Variants in RALYL observed in about 807,000 individuals in gnomAD.
RALYL encodes RNA-binding Raly-like protein.
A neutral mutation model predicts 35.1 loss-of-function variants in RALYL; 29 were observed. The ratio of observed to expected loss-of-function variants is 0.83; its 90% CI spans 0.61 to 1.13. The LOEUF (loss-of-function observed/expected upper bound fraction) is 1.13. Among genes scored for constraint, RALYL ranks in the 50% most tolerant of loss-of-function variants. The pLI is 0.00. For synonymous variants in RALYL, 120 were observed against 127.6 expected (o/e 0.94, Z 0.40); for missense variants, 359 against 360.4 (o/e 1.00, Z 0.03).
intron 4 of RALYL, among the ~76,000 whole-genome samples, chr8:84,813,244 G>T (rs1223544742): frequency 1.3e-5 from 2 of 152,182 alleles, no homozygotes; most frequent in East Asian, 1.9e-4. Context: ...CACTTCTGCA[G>T]TTGGGGCACT....
chr8:84,607,024 G>A (rs1817298609), intron 2 of RALYL, among the ~76,000 whole-genome samples: 1 of 151,916 alleles, frequency 6.6e-6, no homozygotes, highest in Admixed American at 6.6e-5. Context: ...GTTTAAAGAT[G>A]ATAAATCTAA....
intron 1 of RALYL, among the ~76,000 whole-genome samples, chr8:84,494,337 T>A (rs546321564): frequency 2.6e-4 from 39 of 152,332 alleles, no homozygotes; most frequent in African/African-American, 8.7e-4. Context: ...TCTGGTAACA[T>A]GATGCCTCCA....
rs1554771621 is a variant in RALYL at position 84,669,493 on chromosome 8, C to CGCT, written c.257-105086_257-105085insGCT. On this transcript the variant is annotated intron_variant, in intron 2 of 8. Coordinates refer to ENST00000521268, the MANE Select transcript of RALYL (RefSeq NM_173848.7). ...ACATCTTCTCCCTCCCCCCTCCCCC[C>CGCT]CCCCCCACTCTATTAGTTCACAGTG... Among the ~76,000 whole-genome samples the CGCT allele has an allele frequency of 4.4e-4, 27 of 61,950 alleles. 1 individual carries two copies. The highest frequency in any genetic ancestry group is 8.3e-4 in the Non-Finnish European group (25 of 30,198). The allele number at this position is 61,950 out of a possible 152,430, so 40.6% of individuals were successfully genotyped here. A position where few individuals can be genotyped will look rare whatever the true frequency, so the allele number is the denominator to read the frequency against.
chr8:84,806,938 C>CGGTGGCCGG, intron 4 of RALYL, among the ~76,000 whole-genome samples: 1 of 152,142 alleles, frequency 6.6e-6, no homozygotes, highest in African/African-American at 2.4e-5. Context: ...TTGAGCCCAG[C>CGGTGGCCGG]AGGTCCGGGC....
At chr8:84,808,432 T>C (rs768440413) in intron 4 of RALYL, among the ~76,000 whole-genome samples, 1 of 152,202 alleles carries the variant, frequency 6.6e-6, no homozygotes, top group East Asian at 1.9e-4. Flanking sequence ...TGAAATCAGG[T>C]AGTGTGATGC....
chr8:84,425,783 C>CTATG (rs372367035), intron 1 of RALYL, among the ~76,000 whole-genome samples: 13,155 of 144,460 alleles, frequency 0.091, 766 homozygotes, highest in African/African-American at 0.12. Flanking sequence ...AGTTTTTCTT[C>CTATG]TGTGTGTGTG....
At chr8:84,638,312 G>T (rs1239205289) in intron 2 of RALYL, among the ~76,000 whole-genome samples, 1 of 151,956 alleles carries the variant, frequency 6.6e-6, no homozygotes, top group African/African-American at 2.4e-5. Flanking sequence ...AGCAAGTGTG[G>T]TGCTAAGAGC....
At chr8:84,442,396 A>G (rs903146480) in intron 1 of RALYL, among the ~76,000 whole-genome samples, 1 of 152,126 alleles carries the variant, frequency 6.6e-6, no homozygotes, top group Non-Finnish European at 1.5e-5. Context: ...TTTCTCTAGT[A>G]TTAAATTCTT....
At chr8:84,342,675 A>G (rs1028732145) in intron 1 of RALYL, among the ~76,000 whole-genome samples, 1 of 151,928 alleles carries the variant, frequency 6.6e-6, no homozygotes, top group African/African-American at 2.4e-5. Flanking sequence ...AGCCAAGGTA[A>G]TGCAGATTAA....
intron 2 of RALYL, among the ~76,000 whole-genome samples, chr8:84,708,105 C>CT (rs1225771348): frequency 6.6e-6 from 1 of 152,016 alleles, no homozygotes; most frequent in Non-Finnish European, 1.5e-5. Flanking sequence ...TTCTCATTAT[C>CT]CAAAGATTTA....
intron 2 of RALYL, among the ~76,000 whole-genome samples, chr8:84,560,361 C>T (rs568900813): frequency 6.6e-6 from 1 of 151,904 alleles, no homozygotes; most frequent in Non-Finnish European, 1.5e-5. Context: ...ACTAAATATA[C>T]TGATAATAAT....
chr8:84,339,475 CT>C lies in RALYL; in HGVS notation c.-24+155052del, dbSNP rs1163264133. On this transcript the variant is annotated intron_variant, in intron 1 of 8. Coordinates refer to ENST00000521268, the MANE Select transcript of RALYL (RefSeq NM_173848.7). ...CTAATGCCTGATGTTCTGTCATTGT[CT>C]CCCAGATGGGACCATCTAGTTGCAG... Among the ~76,000 whole-genome samples, 4 of 152,016 alleles carry C rather than the reference CT, an allele frequency of 2.6e-5. No homozygotes were observed. The East Asian group carries it at 7.7e-4, about 29-fold the overall frequency.
In RALYL at chr8:84,889,908, A is replaced by G. The variant is rs115153479; in HGVS notation, c.858+2132A>G. Among the ~76,000 whole-genome samples, 276 of 151,774 alleles carry G rather than the reference A, an allele frequency of 1.8e-3. 1 individual carries two copies. The highest frequency in any genetic ancestry group is 6.3e-3 in the African/African-American group (260 of 41,114). ...CCCCAAAGTTAGTTACAACTCCACA[A>G]CAAGTACCATGACCCAAGCCACGAT... is the stretch of plus-strand genomic sequence containing the variant. On this transcript the variant is annotated intron_variant, in intron 8 of 8. Coordinates refer to ENST00000521268, the MANE Select transcript of RALYL (RefSeq NM_173848.7).
chr8:84,219,720 T>C (rs1004644690), intron 1 of RALYL, among the ~76,000 whole-genome samples: 1 of 151,786 alleles, frequency 6.6e-6, no homozygotes, highest in Non-Finnish European at 1.5e-5. Context: ...AAAAAGAAAT[T>C]ATAATATTAA....
At chr8:84,385,737 A>T (rs1404122834) in intron 1 of RALYL, among the ~76,000 whole-genome samples, 1 of 149,544 alleles carries the variant, frequency 6.7e-6, no homozygotes. Context: ...GCTGCACCTG[A>T]CAGGGCTAGC....
chr8:84,440,046 T>G (rs1278250544), intron 1 of RALYL, among the ~76,000 whole-genome samples: 1 of 152,110 alleles, frequency 6.6e-6, no homozygotes, highest in African/African-American at 2.4e-5. Context: ...TATCTCCATA[T>G]TATTTTACAT....
chr8:84,248,771 G>A (rs2131641859), intron 1 of RALYL, among the ~76,000 whole-genome samples: 1 of 152,098 alleles, frequency 6.6e-6, no homozygotes, highest in Non-Finnish European at 1.5e-5. Flanking sequence ...ATATTTATAT[G>A]CTTCCAAAAT....
At chr8:84,464,131 G>GTTTT (rs200511337) in intron 1 of RALYL, among the ~76,000 whole-genome samples, 1 of 132,564 alleles carries the variant, frequency 7.5e-6, no homozygotes, top group Non-Finnish European at 1.6e-5. Flanking sequence ...ATTAAAACAA[G>GTTTT]TTTTTTTTTT....
intron 8 of RALYL, 102 bp from the exon 9 acceptor site, chr8:84,920,792 C>G (rs1446908964): frequency 2.2e-6 from 1 of 449,268 alleles, no homozygotes; most frequent in Non-Finnish European, 4.0e-6. Context: ...TTTATTCTTC[C>G]CCTGATCTAA....
Sources: gnomAD v4.1 joint callset for allele counts (sites outside exome capture counted in the v4.1 genomes callset) on GRCh38, gnomAD v4.1.1 for gene constraint, MANE v1.5 for transcripts, NCBI Gene and HGNC (gene_info 2026-07-23, HGNC 2026-07-21) for gene names.